GRID2: variants seen among roughly 807,000 people sequenced by gnomAD.
GRID2 encodes glutamate receptor ionotropic, delta-2.
GRID2 carries 33 observed loss-of-function variants against 114.8 expected under a neutral mutation model. That is an observed-to-expected ratio of 0.29 (90% CI 0.22 to 0.38). The LOEUF is 0.38. GRID2 is among the 10% of genes least tolerant of loss of function. The probability of loss-of-function intolerance (pLI) is 1.00; values close to 1 mark genes in which losing one functional copy is unlikely to be tolerated. For synonymous variants in GRID2, 505 were observed against 449.9 expected (o/e 1.12, Z -1.55); for missense variants, 1,184 against 1,257.7 (o/e 0.94, Z 0.89).
chr4:92,627,363 G>T (rs1730574612), intron 2 of GRID2, among the ~76,000 whole-genome samples: 1 of 151,982 alleles, frequency 6.6e-6, no homozygotes, highest in South Asian at 2.1e-4. Flanking sequence ...CCAGTGATGT[G>T]CTAATTAATG....
chr4:93,666,117 G>A (rs1723924575), intron 14 of GRID2, among the ~76,000 whole-genome samples: 1 of 152,050 alleles, frequency 6.6e-6, no homozygotes, highest in African/African-American at 2.4e-5. Flanking sequence ...AATGTCTATT[G>A]AAATAGTATG....
intron 1 of GRID2, among the ~76,000 whole-genome samples, chr4:92,454,944 T>TA (rs1269062559): frequency 2.6e-5 from 4 of 152,204 alleles, no homozygotes; most frequent in South Asian, 2.1e-4. Flanking sequence ...CTAGAGTATT[T>TA]AAAAAAAATT....
At chr4:93,620,938 C>T (rs372426426) in intron 13 of GRID2, among the ~76,000 whole-genome samples, 6 of 151,988 alleles carry the variant, frequency 3.9e-5, no homozygotes, top group Non-Finnish European at 8.8e-5. Flanking sequence ...TTTTCTTTTA[C>T]GACTTTAAAC....
At chr4:92,590,368 T>G (rs1560476463) in intron 2 of GRID2, 82 bp downstream of exon 2, 2 of 956,304 alleles carry the variant, frequency 2.1e-6, no homozygotes, top group Non-Finnish European at 3.2e-6. Context: ...TTATTAAACA[T>G]GGACATCATT....
chr4:93,769,153 T>C, intron 14 of GRID2, 57 bp from the exon 15 acceptor site: 1 of 1,583,498 alleles, frequency 6.3e-7, no homozygotes, highest in Non-Finnish European at 8.7e-7. Flanking sequence ...GGATGTGTTG[T>C]GAACCAGGGC....
chr4:93,194,028 A>C (rs1340286857), intron 4 of GRID2, among the ~76,000 whole-genome samples: 1 of 152,154 alleles, frequency 6.6e-6, no homozygotes, highest in Non-Finnish European at 1.5e-5. Context: ...ATCTGCCTGG[A>C]GTTAGTTGAA....
intron 11 of GRID2, among the ~76,000 whole-genome samples, chr4:93,471,914 G>C (rs1724869639): frequency 6.7e-6 from 1 of 148,736 alleles, no homozygotes. Context: ...TGGTCAGGCT[G>C]GTCTCGAACT....
Position 93,110,880 on chromosome 4 carries a change from A to G in GRID2, c.662A>G (p.Asn221Ser). 1 of 1,612,898 alleles carries G rather than the reference A, an allele frequency of 6.2e-7. No homozygotes were observed. Among genetic ancestry groups the G allele is most frequent in the Non-Finnish European group, 8.5e-7 (1 of 1,178,852 alleles). The change falls in exon 4 of 16, where the codon AAT becomes AGT. Residue 221 changes from asparagine (N) to serine (S), a missense_variant. By Grantham distance (46) the Asn-to-Ser change is conservative. Around this residue, in one of 3 missense-constraint regions of GRID2, gnomAD observed 455 missense variants for 429.5 expected, o/e 1.06. Transcript: ENST00000282020. ...LFDTMRIEEL[N>S]RYRDTLRRAI... is the part of the protein sequence containing the mutation. ...GACACCATGAGAATAGAAGAACTGA[A>G]TCGCTATCGAGACACTCTTAGGCGA... is the stretch of plus-strand genomic sequence containing the variant.
chr4:92,378,936 A>T (rs1729484613), intron 1 of GRID2, among the ~76,000 whole-genome samples: 1 of 151,950 alleles, frequency 6.6e-6, no homozygotes, highest in South Asian at 2.1e-4. Context: ...AAATGTTAAA[A>T]TTTTTAAAAT....
At chr4:93,036,352 G>A (rs1279895247) in intron 2 of GRID2, among the ~76,000 whole-genome samples, 2 of 152,026 alleles carry the variant, frequency 1.3e-5, no homozygotes, top group South Asian at 4.2e-4. Flanking sequence ...TTTAGTGTTT[G>A]GATCTCCTAC....
At chr4:93,450,314 A>G (rs1199187921) in intron 10 of GRID2, among the ~76,000 whole-genome samples, 1 of 151,888 alleles carries the variant, frequency 6.6e-6, no homozygotes, top group Non-Finnish European at 1.5e-5. Context: ...GATTCATTAT[A>G]AAATCAAAGT....
chr4:93,462,917 A>G (rs1328585536), intron 11 of GRID2, among the ~76,000 whole-genome samples: 1 of 152,168 alleles, frequency 6.6e-6, no homozygotes, highest in Non-Finnish European at 1.5e-5. Flanking sequence ...AACAGAGGAA[A>G]AATGAGAGTA....
intron 8 of GRID2, among the ~76,000 whole-genome samples, chr4:93,357,345 A>C (rs1328388929): frequency 6.6e-6 from 1 of 151,360 alleles, no homozygotes; most frequent in Non-Finnish European, 1.5e-5. Context: ...ATTCAAGAGG[A>C]CTCCATGAAT....
At chr4:92,937,442 A>G (rs916221563) in intron 2 of GRID2, among the ~76,000 whole-genome samples, 1 of 146,672 alleles carries the variant, frequency 6.8e-6, no homozygotes, top group Non-Finnish European at 1.5e-5. Context: ...TGTTGAAGAG[A>G]CTGCTCTTGC....
intron 12 of GRID2, among the ~76,000 whole-genome samples, chr4:93,493,667 A>G (rs964673856): frequency 1.3e-5 from 2 of 151,604 alleles, no homozygotes; most frequent in Admixed American, 1.3e-4. Flanking sequence ...TAACTTTGCC[A>G]GCACCAGTTT....
chr4:92,381,179 T>C (rs776453618), intron 1 of GRID2, among the ~76,000 whole-genome samples: 3 of 152,144 alleles, frequency 2.0e-5, no homozygotes, highest in South Asian at 2.1e-4. Flanking sequence ...ATTATCCCCA[T>C]GTGTAGATGA....
chr4:93,515,273 T>G lies in GRID2; in HGVS notation c.2055T>G (p.Ser685=). The G allele has an allele frequency of 1.2e-6, 2 of 1,611,542 alleles. No homozygotes were observed. Among genetic ancestry groups the G allele is most frequent in the Non-Finnish European group, 8.5e-7 (1 of 1,177,904 alleles). The change falls in exon 13 of 16, where the codon TCT becomes TCG. Residue 685 remains serine, a synonymous_variant. Coordinates refer to ENST00000282020, the MANE Select transcript of GRID2 (RefSeq NM_001510.4). ...TCCCTTATGGCACAGTCCTAGACTC[T>G]GCGGTATATGAGCATGTCCGCATGA... ...TEIPYGTVLD[S]AVYEHVRMKG...
chr4:93,411,933 C>T (rs1387868948), intron 9 of GRID2, among the ~76,000 whole-genome samples: 17 of 149,368 alleles, frequency 1.1e-4, no homozygotes, highest in African/African-American at 4.2e-4. Flanking sequence ...ATTTTTGAAT[C>T]TCTCTATTAA....
At chr4:93,595,036 TG>T (rs1398779404) in intron 13 of GRID2, among the ~76,000 whole-genome samples, 2 of 152,200 alleles carry the variant, frequency 1.3e-5, no homozygotes, top group Non-Finnish European at 2.9e-5. Flanking sequence ...GGCTGGGAGC[TG>T]TAGACCAGAG....
Sources: gnomAD v4.1 joint callset for allele counts (sites outside exome capture counted in the v4.1 genomes callset) on GRCh38, gnomAD v4.1.1 for gene constraint, gnomAD v4.1.1 regional missense constraint, MANE v1.5 for transcripts, NCBI Gene and HGNC (gene_info 2026-07-23, HGNC 2026-07-21) for gene names.